Variants in UBE2L3 observed in about 807,000 individuals in gnomAD.
The protein encoded by UBE2L3 is ubiquitin conjugating enzyme E2 L3, also known as ubiquitin-conjugating enzyme E2 L3.
A neutral mutation model predicts 17.8 loss-of-function variants in UBE2L3; 1 was observed. The ratio of observed to expected loss-of-function variants is 0.06; its 90% CI spans 0.02 to 0.27. UBE2L3 has a LOEUF of 0.27. UBE2L3 is among the 10% of genes least tolerant of loss of function. UBE2L3 has a pLI of 1.00. For missense variants in UBE2L3, 40 were observed against 192.6 expected, an observed-to-expected ratio of 0.21 and a Z score of 4.69; for synonymous variants, 44 against 68.5, an observed-to-expected ratio of 0.64 and a Z score of 1.76.
intron 1 of UBE2L3, among the ~76,000 whole-genome samples, chr22:21,551,976 CACTGA>C (rs1303251423): frequency 8.2e-6 from 1 of 121,576 alleles, no homozygotes; most frequent in African/African-American, 3.6e-5. Flanking sequence ...TACATACACA[CACTGA>C]ACTGAAGAAA....
chr22:21,594,866 T>A lies in UBE2L3; in HGVS notation c.123+1910T>A, dbSNP rs141920725. Among the ~76,000 whole-genome samples, 1,474 of 152,272 alleles carry A rather than the reference T, an allele frequency of 9.7e-3. 27 individuals are homozygous for A. The highest frequency in any genetic ancestry group is 0.034 in the African/African-American group (1,404 of 41,554). On this transcript the variant is annotated intron_variant, in intron 2 of 3. Coordinates refer to ENST00000342192, the MANE Select transcript of UBE2L3 (RefSeq NM_003347.4). The stretch of plus-strand genomic sequence containing the variant: ...TTGTGTAGTCTACTGAGCAAAGAAA[T>A]GAACAGTTAATCTGTGGCTCTTTGG...
chr22:21,572,483 C>A (rs918648058), intron 1 of UBE2L3, among the ~76,000 whole-genome samples: 1 of 150,220 alleles, frequency 6.7e-6, no homozygotes, highest in Non-Finnish European at 1.5e-5. Context: ...GGTACTGGGG[C>A]CTTTTCTGAT....
intron 1 of UBE2L3, among the ~76,000 whole-genome samples, chr22:21,568,783 GC>G (rs1434389566): frequency 6.6e-6 from 1 of 152,126 alleles, no homozygotes; most frequent in African/African-American, 2.4e-5. Flanking sequence ...GAGATAAAGA[GC>G]TGGGGTTCGT....
chr22:21,567,870 T>C (rs1408166703), intron 1 of UBE2L3, 99 bp downstream of exon 1: 62 of 1,546,636 alleles, frequency 4.0e-5, no homozygotes, highest in Non-Finnish European at 5.2e-5. Context: ...GCCGTCTGGC[T>C]TCCTGCCCTA....
At chr22:21,580,391 C>T (rs924683493) in intron 1 of UBE2L3, among the ~76,000 whole-genome samples, 2 of 152,158 alleles carry the variant, frequency 1.3e-5, no homozygotes, top group African/African-American at 2.4e-5. Flanking sequence ...CCATGGCTAC[C>T]CCTTTCCCAG....
upstream of UBE2L3, chr22:21,567,575 A>G (rs531749424): frequency 1.6e-4 from 232 of 1,429,994 alleles, no homozygotes; most frequent in East Asian, 4.8e-4. Context: ...TGTGCGGTTC[A>G]CTTGCGTTCC....
chr22:21,602,694 A>G (rs1928930041), intron 2 of UBE2L3, among the ~76,000 whole-genome samples: 1 of 152,230 alleles, frequency 6.6e-6, no homozygotes, highest in Non-Finnish European at 1.5e-5. Flanking sequence ...GCTTTGTGCC[A>G]TGGGAGGTTG....
upstream of UBE2L3, among the ~76,000 whole-genome samples, chr22:21,565,346 C>T (rs186705766): frequency 3.1e-4 from 47 of 151,934 alleles, 1 homozygote; most frequent in East Asian, 8.9e-3. Flanking sequence ...CCCACCTCGG[C>T]TTCCCAAAGT....
At chr22:21,558,643 A>C (rs1461475235) in intron 1 of UBE2L3, among the ~76,000 whole-genome samples, 8 of 151,500 alleles carry the variant, frequency 5.3e-5, no homozygotes, top group East Asian at 2.0e-4. Context: ...AAAAAAAAAA[A>C]AAAAAACACT....
chr22:21,589,983 T>A (rs953935579), intron 1 of UBE2L3, among the ~76,000 whole-genome samples: 8 of 152,126 alleles, frequency 5.3e-5, no homozygotes, highest in African/African-American at 1.9e-4. Flanking sequence ...CTTTTATCTT[T>A]GTCTGTGGAT....
chr22:21,575,633 T>TC (rs1927241131), intron 1 of UBE2L3, among the ~76,000 whole-genome samples: 2 of 47,924 alleles, frequency 4.2e-5, no homozygotes, highest in South Asian at 2.0e-3. Flanking sequence ...TTGAATAGCT[T>TC]TTTTTTTTTT....
intron 3 of UBE2L3, among the ~76,000 whole-genome samples, 174 bp from the exon 4 acceptor site, chr22:21,621,341 G>C (rs945263075): frequency 1.3e-5 from 2 of 152,222 alleles, no homozygotes; most frequent in Non-Finnish European, 2.9e-5. Context: ...ACAGAGGAAA[G>C]ATGAGTTTTC....
chr22:21,586,046 C>T (rs183582752), intron 1 of UBE2L3, among the ~76,000 whole-genome samples: 163 of 152,186 alleles, frequency 1.1e-3, no homozygotes, highest in African/African-American at 3.3e-3. Context: ...ACTGGTCATC[C>T]CAAGTCAGCC....
In UBE2L3 at chr22:21,611,103, G is replaced by A. The variant is rs138780150; in HGVS notation, c.310+60G>A. 735 of 1,485,416 alleles carry A rather than the reference G, an allele frequency of 4.9e-4. 7 individuals carry two copies. In the African/African-American group the frequency reaches 7.9e-3, roughly 16 times the overall value. 92.0% of individuals were successfully genotyped at this position (1,485,416 alleles called of 1,614,324 possible). The stretch of plus-strand genomic sequence containing the variant: ...TCTTTGGGGGTGCTGCTCTGGGGTG[G>A]GGGCTTCTGGTACCAGATCAGACAG... On this transcript the variant is annotated intron_variant, in intron 3 of 3. Coordinates refer to ENST00000342192, the MANE Select transcript of UBE2L3 (RefSeq NM_003347.4).
intron 1 of UBE2L3, among the ~76,000 whole-genome samples, chr22:21,558,539 G>A (rs559980367): frequency 0.049 from 7,458 of 151,000 alleles, 253 homozygotes; most frequent in African/African-American, 0.17. Context: ...GCTGAGGGAG[G>A]AGAATGGCGT....
At chr22:21,562,288 G>A (rs1477513049) in intron 1 of UBE2L3, among the ~76,000 whole-genome samples, 4 of 150,492 alleles carry the variant, frequency 2.7e-5, no homozygotes, top group African/African-American at 9.8e-5. Flanking sequence ...TCCACCTCCC[G>A]GGTTCATGCC....
chr22:21,597,946 C>CG (rs1417365512), intron 2 of UBE2L3, among the ~76,000 whole-genome samples: 1 of 148,096 alleles, frequency 6.8e-6, no homozygotes. Flanking sequence ...TGAGCCACCA[C>CG]GCCCAGCTAA....
intron 3 of UBE2L3, among the ~76,000 whole-genome samples, chr22:21,612,036 C>G (rs2148442682): frequency 6.6e-6 from 1 of 152,296 alleles, no homozygotes; most frequent in African/African-American, 2.4e-5. Flanking sequence ...AATAACTCAG[C>G]TGAACTTTTG....
intron 1 of UBE2L3, among the ~76,000 whole-genome samples, chr22:21,582,424 G>A (rs187348952): frequency 1.0e-3 from 155 of 151,566 alleles, no homozygotes; most frequent in Non-Finnish European, 1.9e-3. Flanking sequence ...TGCAATCTCG[G>A]TCTACTGCAA....
Sources: allele counts gnomAD v4.1 joint callset (sites outside exome capture counted in the v4.1 genomes callset), GRCh38; gene constraint gnomAD v4.1.1; transcripts MANE v1.5; gene names NCBI Gene and HGNC (gene_info 2026-07-23, HGNC 2026-07-21).